NECTIN3: variants seen among roughly 807,000 people sequenced by gnomAD.
The protein encoded by NECTIN3 is nectin cell adhesion molecule 3.
NECTIN3 carries 8 observed loss-of-function variants against 49.4 expected under a neutral mutation model. The observed-to-expected ratio is 0.16, with a 90% CI of 0.10 to 0.29. The LOEUF (loss-of-function observed/expected upper bound fraction) is 0.29, where lower values mean the gene tolerates loss of function less well. Ranked by LOEUF, NECTIN3 falls within the 10% of genes least tolerant of loss-of-function variation. NECTIN3 has a pLI of 1.00. For synonymous variants in NECTIN3, 277 were observed against 241.1 expected, an observed-to-expected ratio of 1.15 and a Z score of -1.38; for missense variants, 581 against 654.6, an observed-to-expected ratio of 0.89 and a Z score of 1.23.
At position 111,118,637 on chromosome 3, in the gene NECTIN3, TA is replaced by T. The variant is rs763632022; in HGVS notation, c.503-12del. 11 of 1,505,320 alleles carry T rather than the reference TA, an allele frequency of 7.3e-6. No homozygotes were observed. The highest frequency in any genetic ancestry group is 1.4e-5 in the African/African-American group (1 of 70,650). The allele number at this position is 1,505,320 out of a possible 1,614,324, so 93.2% of individuals were successfully genotyped here. A position where few individuals can be genotyped will look rare whatever the true frequency, so the allele number is the denominator to read the frequency against. ...TTCTTGTTTGAATGTAACTAATTATTAAAAAAATATTTAAACAGTTGAACCC... is the reference window on the plus strand; with the variant it reads ...TTCTTGTTTGAATGTAACTAATTATTAAAAAATATTTAAACAGTTGAACCC... On this transcript the variant is annotated intron_variant, in intron 2 of 5. Transcript: ENST00000485303.
chr3:111,173,936 ACCT>A (rs2035478723), intron 7 of NECTIN3, among the ~76,000 whole-genome samples: 2 of 152,088 alleles, frequency 1.3e-5, no homozygotes, highest in Non-Finnish European at 2.9e-5. Context: ...GGCTTTGAGA[ACCT>A]AGCTGTCATC....
At chr3:111,148,057 T>A (rs185581308) in intron 7 of NECTIN3, among the ~76,000 whole-genome samples, 33 of 152,284 alleles carry the variant, frequency 2.2e-4, no homozygotes, top group African/African-American at 7.7e-4. Context: ...GATTCTCAAG[T>A]TTAGTGGTTG....
chr3:111,111,748 T>C (rs1003466456), intron 1 of NECTIN3, among the ~76,000 whole-genome samples: 3 of 152,124 alleles, frequency 2.0e-5, no homozygotes, highest in Non-Finnish European at 2.9e-5. Flanking sequence ...AGTGCTTTTT[T>C]CACTGCAACA....
In NECTIN3 at chr3:111,071,973, G is replaced by A. The variant is rs1375218502; in HGVS notation, c.-45G>A. Reference sequence around the variant, plus strand: ...AGAGCCTGAGGCGCCGGGGCCGGGGGAGCCGGGGGGCGGGCGGGCGAGCGG... The same window carrying A: ...AGAGCCTGAGGCGCCGGGGCCGGGGAAGCCGGGGGGCGGGCGGGCGAGCGG... On this transcript the variant is annotated 5_prime_UTR_variant, in exon 1 of 6. Coordinates refer to ENST00000485303, the MANE Select transcript of NECTIN3 (RefSeq NM_015480.3). 1.1e-5 allele frequency: 15 copies of A among 1,355,024 alleles called. No homozygotes were observed. The highest frequency in any genetic ancestry group is 1.4e-5 in the Non-Finnish European group (15 of 1,041,028). The allele number at this position is 1,355,024 out of a possible 1,614,324, so 83.9% of individuals were successfully genotyped here.
At chr3:111,111,220 T>C (rs2033446509) in intron 1 of NECTIN3, among the ~76,000 whole-genome samples, 1 of 152,164 alleles carries the variant, frequency 6.6e-6, no homozygotes, top group African/African-American at 2.4e-5. Context: ...ATGTTAGCTT[T>C]ATATCCCTCA....
At chr3:111,079,067 G>C (rs909596645) in intron 1 of NECTIN3, among the ~76,000 whole-genome samples, 2 of 152,044 alleles carry the variant, frequency 1.3e-5, no homozygotes, top group South Asian at 4.1e-4. Flanking sequence ...ATAATGTCAG[G>C]AGTGTGCTTG....
chr3:111,123,774 T>G (rs149927097), intron 4 of NECTIN3, among the ~76,000 whole-genome samples: 1 of 152,316 alleles, frequency 6.6e-6, no homozygotes, highest in East Asian at 1.9e-4. Context: ...AAGCAACCCT[T>G]CACCCTGAAG....
chr3:111,172,809 G>A (rs1157712291), intron 7 of NECTIN3, among the ~76,000 whole-genome samples: 1 of 152,074 alleles, frequency 6.6e-6, no homozygotes, highest in Non-Finnish European at 1.5e-5. Context: ...AGACTTATTT[G>A]TGAAATCCTG....
chr3:111,193,113 A>G, intron 1 of NECTIN3: 1 of 1,175,656 alleles, frequency 8.5e-7, no homozygotes, highest in Non-Finnish European at 1.2e-6. Context: ...ACTAAACTGT[A>G]GTGAATTCTA....
intron 1 of NECTIN3, among the ~76,000 whole-genome samples, chr3:111,110,912 T>A (rs1057423443): frequency 6.6e-5 from 10 of 152,124 alleles, no homozygotes; most frequent in African/African-American, 2.4e-4. Flanking sequence ...CATAAAGTTT[T>A]TTTTTACCAT....
At chr3:111,087,661 T>G (rs947969039) in intron 1 of NECTIN3, among the ~76,000 whole-genome samples, 7 of 151,638 alleles carry the variant, frequency 4.6e-5, no homozygotes, top group African/African-American at 1.7e-4. Flanking sequence ...TCAAAAAAAA[T>G]AAAGAAAGAA....
At chr3:111,165,086 G>A (rs754777268) in intron 7 of NECTIN3, among the ~76,000 whole-genome samples, 15 of 150,712 alleles carry the variant, frequency 1.0e-4, no homozygotes, top group Non-Finnish European at 1.8e-4. Context: ...TCGCTCTGTC[G>A]CCCAGGCTGG....
intron 7 of NECTIN3, among the ~76,000 whole-genome samples, chr3:111,152,475 G>A (rs1044213005): frequency 1.3e-5 from 2 of 151,670 alleles, no homozygotes; most frequent in African/African-American, 4.8e-5. Context: ...GCAATCTTTT[G>A]GTGGGTTTCT....
At chr3:111,182,489 A>G (rs1380505726) in intron 7 of NECTIN3, among the ~76,000 whole-genome samples, 1 of 152,044 alleles carries the variant, frequency 6.6e-6, no homozygotes, top group Non-Finnish European at 1.5e-5. Flanking sequence ...TTATTCATAT[A>G]TTTTTGTAGT....
At position 111,150,869 on chromosome 3, in the gene NECTIN3, A is replaced by G. The variant is rs184366568; in HGVS notation, c.1221+3385A>G. ...TATATTAACCTGTAATAGGTTTCCT[A>G]TTCTTTTTAAATGAATTAAATTTTT... On this transcript the variant is annotated intron_variant, in intron 7 of 8. Transcript: ENST00000493615. Among the ~76,000 whole-genome samples, 577 of 152,072 alleles carry G rather than the reference A, an allele frequency of 3.8e-3. 3 individuals carry two copies. The highest frequency in any genetic ancestry group is 0.014 in the Middle Eastern group (4 of 294).
chr3:111,154,155 T>TC (rs886832780), intron 7 of NECTIN3, among the ~76,000 whole-genome samples: 5 of 152,176 alleles, frequency 3.3e-5, no homozygotes, highest in East Asian at 1.9e-4. Flanking sequence ...CTTTGTAATC[T>TC]CCCCCCTCTA....
At chr3:111,079,201 C>T (rs1453030437) in intron 1 of NECTIN3, among the ~76,000 whole-genome samples, 1 of 152,010 alleles carries the variant, frequency 6.6e-6, no homozygotes, top group Non-Finnish European at 1.5e-5. Context: ...ATTGCTATTA[C>T]TGAAAATCTT....
chr3:111,078,819 C>T (rs1559763165), intron 1 of NECTIN3, among the ~76,000 whole-genome samples: 1 of 152,122 alleles, frequency 6.6e-6, no homozygotes, highest in Non-Finnish European at 1.5e-5. Context: ...AATTGACTTT[C>T]TATGAGAATA....
At position 111,072,130 on chromosome 3, in the gene NECTIN3, C is replaced by T. The variant is rs577495163; in HGVS notation, c.113C>T (p.Pro38Leu). 18 of 1,549,818 alleles carry T rather than the reference C, an allele frequency of 1.2e-5. No individual in the cohort carries two copies. In the Admixed American group the frequency reaches 2.2e-4, roughly 19 times the overall value. Reference sequence around the variant, plus strand: ...CTGCTGCAGCCCCCGACGCCACCTCCGCTGCTGCTGCTGCTCTTCCCGCTG... The same window carrying T: ...CTGCTGCAGCCCCCGACGCCACCTCTGCTGCTGCTGCTGCTCTTCCCGCTG... The part of the protein sequence containing the change: ...GLLLQPPTPP[P>L]LLLLLFPLLL... Residue 38 changes from proline (P) to leucine (L), a missense_variant, in exon 1 of 6, where the codon CCG (proline) becomes CTG (leucine). Pro to Leu is a moderately conservative substitution (Grantham distance 98, BLOSUM62 -3). Transcript: ENST00000485303.
Sources: allele counts gnomAD v4.1 joint callset (sites outside exome capture counted in the v4.1 genomes callset), GRCh38; gene constraint gnomAD v4.1.1; transcripts MANE v1.5; gene names NCBI Gene and HGNC (gene_info 2026-07-23, HGNC 2026-07-21).